TNFSF13B: variants seen among roughly 807,000 people sequenced by gnomAD.
TNFSF13B encodes TNF superfamily member 13b, also known as tumor necrosis factor ligand superfamily member 13B.
A neutral mutation model predicts 29.1 loss-of-function variants in TNFSF13B; 8 were observed. That is an observed-to-expected ratio of 0.27 (90% CI 0.16 to 0.50). TNFSF13B has a LOEUF of 0.50. TNFSF13B is among the 20% of genes least tolerant of loss of function. The probability of loss-of-function intolerance (pLI) is 0.98; values close to 1 mark genes in which losing one functional copy is unlikely to be tolerated. For missense variants in TNFSF13B, 248 were observed against 334.9 expected, an observed-to-expected ratio of 0.74 and a Z score of 2.03; for synonymous variants, 125 against 130.8, an observed-to-expected ratio of 0.96 and a Z score of 0.30.
intron 2 of TNFSF13B, among the ~76,000 whole-genome samples, chr13:108,272,306 T>G (rs111771219): frequency 2.6e-4 from 39 of 152,258 alleles, no homozygotes; most frequent in African/African-American, 8.7e-4. Context: ...TTGATCAAAA[T>G]TTTGATGTAA....
Position 108,298,719 on chromosome 13 carries a change from G to A in TNFSF13B, c.482-4534G>A, listed in dbSNP as rs562400997. Among the ~76,000 whole-genome samples, 20 of 145,740 alleles carry A rather than the reference G, an allele frequency of 1.4e-4. No individual in the cohort carries two copies. The South Asian group carries it at 4.3e-3, about 31-fold the overall frequency. ...CACCTGGGCACGGTAGCTCATGCCT[G>A]TAATCCCAGCACTTTGGGAGGCCAA... On this transcript the variant is annotated intron_variant, in intron 3 of 5. Coordinates refer to ENST00000375887, the MANE Select transcript of TNFSF13B (RefSeq NM_006573.5).
At chr13:108,275,480 T>C (rs1040530589) in intron 2 of TNFSF13B, among the ~76,000 whole-genome samples, 9 of 152,082 alleles carry the variant, frequency 5.9e-5, no homozygotes, top group African/African-American at 2.2e-4. Flanking sequence ...TTATTTTTAT[T>C]GATAATGTTT....
intron 3 of TNFSF13B, among the ~76,000 whole-genome samples, chr13:108,299,024 T>G (rs1235756717): frequency 1.4e-5 from 2 of 145,876 alleles, no homozygotes; most frequent in Non-Finnish European, 3.0e-5. Context: ...TTGCATTGAA[T>G]CTACAGGAAG....
chr13:108,292,526 G>A (rs542942772), intron 3 of TNFSF13B, among the ~76,000 whole-genome samples: 3 of 152,126 alleles, frequency 2.0e-5, no homozygotes, highest in African/African-American at 7.2e-5. Flanking sequence ...CTACAGTGCT[G>A]CAACATTTTG....
chr13:108,296,916 C>T (rs2139064244), intron 3 of TNFSF13B, among the ~76,000 whole-genome samples: 1 of 145,370 alleles, frequency 6.9e-6, no homozygotes, highest in Non-Finnish European at 1.5e-5. Flanking sequence ...AAGCCCTTAA[C>T]ATAAATTAAT....
intron 3 of TNFSF13B, among the ~76,000 whole-genome samples, chr13:108,288,786 G>A (rs1002475086): frequency 1.3e-5 from 2 of 152,162 alleles, no homozygotes; most frequent in Non-Finnish European, 2.9e-5. Context: ...CAAAGCAGGC[G>A]GGGGCAGGAG....
chr13:108,303,196 G>A, intron 3 of TNFSF13B, 57 bp from the exon 4 acceptor site: 1 of 1,104,100 alleles, frequency 9.1e-7, no homozygotes, highest in Non-Finnish European at 1.3e-6. Flanking sequence ...CAACTAAATG[G>A]AGGTGAAAAC....
At chr13:108,276,366 C>T (rs1880762265) in intron 2 of TNFSF13B, among the ~76,000 whole-genome samples, 1 of 152,224 alleles carries the variant, frequency 6.6e-6, no homozygotes, top group Non-Finnish European at 1.5e-5. Context: ...GGCTTCTGTT[C>T]AACTTCTGGA....
At chr13:108,291,498 A>G (rs1881311315) in intron 3 of TNFSF13B, among the ~76,000 whole-genome samples, 1 of 151,914 alleles carries the variant, frequency 6.6e-6, no homozygotes, top group Non-Finnish European at 1.5e-5. Flanking sequence ...TATGATAAAT[A>G]GAAACATTTT....
At chr13:108,306,098 C>A (rs955280057) in intron 5 of TNFSF13B, among the ~76,000 whole-genome samples, 1 of 151,984 alleles carries the variant, frequency 6.6e-6, no homozygotes, top group Middle Eastern at 3.2e-3. Context: ...TGAGTGTAGT[C>A]CCTGAATGTA....
chr13:108,290,212 T>C (rs1292993350), intron 3 of TNFSF13B, among the ~76,000 whole-genome samples: 1 of 152,162 alleles, frequency 6.6e-6, no homozygotes, highest in Non-Finnish European at 1.5e-5. Context: ...TTGATGCCTG[T>C]GTACAGAGAT....
At chr13:108,277,272 T>G (rs1238452047) in intron 2 of TNFSF13B, among the ~76,000 whole-genome samples, 2 of 152,344 alleles carry the variant, frequency 1.3e-5, no homozygotes, top group South Asian at 4.1e-4. Flanking sequence ...GTTGGAGAAG[T>G]TAAGCCAAAT....
intron 2 of TNFSF13B, among the ~76,000 whole-genome samples, chr13:108,282,432 A>G (rs781259960): frequency 4.6e-5 from 7 of 152,192 alleles, no homozygotes; most frequent in Non-Finnish European, 8.8e-5. Context: ...TAAACTTTCA[A>G]ATCACTTTTT....
intron 3 of TNFSF13B, among the ~76,000 whole-genome samples, chr13:108,291,892 G>A (rs953913227): frequency 5.3e-5 from 8 of 152,002 alleles, no homozygotes; most frequent in Non-Finnish European, 1.2e-4. Flanking sequence ...TGCTTACTAT[G>A]TAGGCTATTT....
chr13:108,301,044 C>G (rs1442097533), intron 3 of TNFSF13B, among the ~76,000 whole-genome samples: 2 of 152,112 alleles, frequency 1.3e-5, no homozygotes, highest in African/African-American at 2.4e-5. Context: ...TCCTTAGAAA[C>G]AATCAGAAAT....
chr13:108,286,479 G>A (rs1881137340), intron 2 of TNFSF13B, among the ~76,000 whole-genome samples: 1 of 152,008 alleles, frequency 6.6e-6, no homozygotes, highest in Non-Finnish European at 1.5e-5. Context: ...ACTGTTTCAT[G>A]TATTTGGTAG....
At chr13:108,280,774 A>G (rs947194161) in intron 2 of TNFSF13B, among the ~76,000 whole-genome samples, 2 of 151,910 alleles carry the variant, frequency 1.3e-5, no homozygotes, top group Non-Finnish European at 2.9e-5. Flanking sequence ...GCAATTTTAC[A>G]TCTCCTATAT....
intron 5 of TNFSF13B, among the ~76,000 whole-genome samples, chr13:108,304,132 C>A (rs1239057184): frequency 6.6e-6 from 1 of 152,164 alleles, no homozygotes; most frequent in Non-Finnish European, 1.5e-5. Flanking sequence ...TTTAAACCAG[C>A]CAGTCTGGCT....
intron 2 of TNFSF13B, among the ~76,000 whole-genome samples, chr13:108,278,102 G>T (rs562016850): frequency 6.6e-6 from 1 of 152,102 alleles, no homozygotes; most frequent in African/African-American, 2.4e-5. Context: ...GGAGAGGTAA[G>T]GTTTGAATTC....
Sources: allele counts gnomAD v4.1 joint callset (sites outside exome capture counted in the v4.1 genomes callset), GRCh38; gene constraint gnomAD v4.1.1; transcripts MANE v1.5; gene names NCBI Gene and HGNC (gene_info 2026-07-23, HGNC 2026-07-21).